PPP1R9A: variants seen among roughly 807,000 people sequenced by gnomAD.
PPP1R9A encodes the protein neurabin-1.
In PPP1R9A, 59 loss-of-function variants were observed where a neutral mutation model predicts 141.9. That is an observed-to-expected ratio of 0.42 (90% CI 0.34 to 0.52). The LOEUF is 0.52. Ranked by LOEUF, PPP1R9A falls within the 20% of genes least tolerant of loss-of-function variation. PPP1R9A has a pLI of 0.10. For synonymous variants in PPP1R9A, 500 were observed against 569.7 expected, an observed-to-expected ratio of 0.88 and a Z score of 1.74; for missense variants, 1,444 against 1,611.9, an observed-to-expected ratio of 0.90 and a Z score of 1.78.
Position 95,269,434 on chromosome 7 carries a change from A to G in PPP1R9A, c.3051A>G (p.Ser1017=), listed in dbSNP as rs1801814903. The G allele has an allele frequency of 1.9e-6, 3 of 1,593,628 alleles. No homozygotes were observed. Residue 1017 remains serine (S), a synonymous_variant, in exon 14 of 20, where the codon TCA becomes TCG. Coordinates refer to ENST00000433360, the MANE Select transcript of PPP1R9A (RefSeq NM_001166160.2). The part of the protein sequence containing the change: ...MWGDTSLFST[S]KSDHDVEESP... ...GAGACACTTCACTGTTTTCTACTTCAAAGTCTGATCATGATGTGGAAGAAT... is the reference window on the plus strand; with the variant it reads ...GAGACACTTCACTGTTTTCTACTTCGAAGTCTGATCATGATGTGGAAGAAT...
chr7:95,214,760 G>C (rs577306057), intron 7 of PPP1R9A, among the ~76,000 whole-genome samples: 20 of 152,098 alleles, frequency 1.3e-4, no homozygotes, highest in Non-Finnish European at 2.5e-4. Flanking sequence ...GATTTGAGTT[G>C]TCGGAAAATA....
intron 7 of PPP1R9A, among the ~76,000 whole-genome samples, chr7:95,224,309 G>A (rs1794845847): frequency 6.6e-6 from 1 of 152,094 alleles, no homozygotes; most frequent in African/African-American, 2.4e-5. Context: ...CAACTAACCT[G>A]TAACCAGTTT....
intron 2 of PPP1R9A, among the ~76,000 whole-genome samples, chr7:95,074,465 GTT>G (rs752728522): frequency 1.8e-5 from 2 of 109,762 alleles, no homozygotes; most frequent in Admixed American, 9.1e-5. Context: ...GCTTTTTTTT[GTT>G]TTTTTTTTTT....
At chr7:95,088,241 A>G (rs1816891503) in intron 2 of PPP1R9A, among the ~76,000 whole-genome samples, 1 of 152,022 alleles carries the variant, frequency 6.6e-6, no homozygotes, top group Non-Finnish European at 1.5e-5. Flanking sequence ...TAATTTATCA[A>G]TGAGAAGAGC....
In PPP1R9A at chr7:94,907,632, TCTCCCTCTCCCGGGATTTTGCTGCCGGG is replaced by T. The variant is rs1335042881; in HGVS notation, c.-277_-250del. On this transcript the variant is annotated 5_prime_UTR_variant, in exon 1 of 20. Coordinates refer to ENST00000433360, the MANE Select transcript of PPP1R9A (RefSeq NM_001166160.2). ...CCTTGGCCGCCAGAGGCTCCCTCTC[TCTCCCTCTCCCGGGATTTTGCTGCCGGG>T]CTCCCTCTCTCTGCGGCCCTAGAGT... 1 of 152,040 alleles carries T rather than the reference TCTCCCTCTCCCGGGATTTTGCTGCCGGG, an allele frequency of 6.6e-6. No homozygotes were observed. The highest frequency in any genetic ancestry group is 2.4e-5 in the African/African-American group (1 of 41,322). 9.4% of individuals were successfully genotyped at this position (152,040 alleles called of 1,614,324 possible).
At chr7:95,132,008 T>C (rs144830978) in intron 4 of PPP1R9A, among the ~76,000 whole-genome samples, 84 of 152,300 alleles carry the variant, frequency 5.5e-4, no homozygotes, top group Admixed American at 1.0e-3. Flanking sequence ...TATTGATGTA[T>C]AGAAATGCTA....
At chr7:95,128,623 C>T (rs1359501449) in intron 4 of PPP1R9A, among the ~76,000 whole-genome samples, 2 of 152,114 alleles carry the variant, frequency 1.3e-5, no homozygotes, top group East Asian at 3.9e-4. Flanking sequence ...GTTGCCCAGG[C>T]TAGAGTGCAA....
chr7:95,138,109 T>C (rs1381591993), intron 4 of PPP1R9A, among the ~76,000 whole-genome samples: 1 of 151,992 alleles, frequency 6.6e-6, no homozygotes, highest in East Asian at 1.9e-4. Flanking sequence ...ATTTTTTGTA[T>C]TTTTAGTAGA....
At chr7:95,225,122 A>G (rs1415660856) in intron 7 of PPP1R9A, among the ~76,000 whole-genome samples, 1 of 152,106 alleles carries the variant, frequency 6.6e-6, no homozygotes, top group African/African-American at 2.4e-5. Flanking sequence ...AGATACCTAC[A>G]GGGACAGGTG....
intron 2 of PPP1R9A, among the ~76,000 whole-genome samples, chr7:95,007,427 C>T (rs1351609800): frequency 1.8e-4 from 28 of 152,142 alleles, no homozygotes; most frequent in Admixed American, 1.8e-3. Context: ...TGAATGTCCT[C>T]TGGAGGGCAA....
At chr7:95,133,053 G>T (rs937576022) in intron 4 of PPP1R9A, among the ~76,000 whole-genome samples, 1 of 152,186 alleles carries the variant, frequency 6.6e-6, no homozygotes, top group Admixed American at 6.5e-5. Flanking sequence ...ACTGAGTAGG[G>T]CAGAGAAGAA....
intron 2 of PPP1R9A, among the ~76,000 whole-genome samples, chr7:95,047,456 T>C (rs1810184376): frequency 6.6e-6 from 1 of 152,216 alleles, no homozygotes; most frequent in Non-Finnish European, 1.5e-5. Flanking sequence ...AGGATCTTTT[T>C]CTGTCTGTTT....
At chr7:94,937,485 G>T (rs564383124) in intron 2 of PPP1R9A, among the ~76,000 whole-genome samples, 1 of 152,170 alleles carries the variant, frequency 6.6e-6, no homozygotes, top group East Asian at 1.9e-4. Context: ...CTTCAATGTT[G>T]CAATAATTTT....
At chr7:94,944,958 A>G (rs1269088635) in intron 2 of PPP1R9A, among the ~76,000 whole-genome samples, 1 of 152,084 alleles carries the variant, frequency 6.6e-6, no homozygotes, top group Non-Finnish European at 1.5e-5. Flanking sequence ...TGTGTTTGAT[A>G]AGACTAAAAG....
chr7:95,046,614 A>T (rs1040366688), intron 2 of PPP1R9A, among the ~76,000 whole-genome samples: 2 of 152,202 alleles, frequency 1.3e-5, no homozygotes, highest in African/African-American at 4.8e-5. Flanking sequence ...GAGAGAAAAG[A>T]TAGAGGCCTG....
intron 4 of PPP1R9A, among the ~76,000 whole-genome samples, chr7:95,135,690 AT>A (rs2152545988): frequency 6.6e-6 from 1 of 151,004 alleles, no homozygotes; most frequent in African/African-American, 2.4e-5. Flanking sequence ...ATAATCTATT[AT>A]TTAGTATTCC....
Position 95,248,336 on chromosome 7 carries a change from T to C in PPP1R9A, c.2166+810T>C, listed in dbSNP as rs1216533622. On this transcript the variant is annotated intron_variant, in intron 9 of 19. Transcript: ENST00000433360. Reference sequence around the variant, plus strand: ...TTTTGTTGTTCACATTGAACACTTGTTTTGGTTTCTCCGTGTGTTTTAAAT... The same window carrying C: ...TTTTGTTGTTCACATTGAACACTTGCTTTGGTTTCTCCGTGTGTTTTAAAT... Among the ~76,000 whole-genome samples, 5 of 149,936 alleles carry C rather than the reference T, an allele frequency of 3.3e-5. 1 individual carries two copies. The East Asian group carries it at 9.8e-4, about 30-fold the overall frequency.
chr7:95,201,255 T>C (rs2152869013), intron 6 of PPP1R9A, among the ~76,000 whole-genome samples: 1 of 152,324 alleles, frequency 6.6e-6, no homozygotes, highest in East Asian at 1.9e-4. Context: ...CTGCAAGTTG[T>C]AGAAGTAAAA....
chr7:94,920,449 T>A (rs1445987690), intron 2 of PPP1R9A, among the ~76,000 whole-genome samples: 1 of 152,038 alleles, frequency 6.6e-6, no homozygotes, highest in East Asian at 1.9e-4. Flanking sequence ...GACAGCGAAA[T>A]ACAGTATGAA....
Sources: allele counts gnomAD v4.1 joint callset (sites outside exome capture counted in the v4.1 genomes callset), GRCh38; gene constraint gnomAD v4.1.1; transcripts MANE v1.5; gene names NCBI Gene and HGNC (gene_info 2026-07-23, HGNC 2026-07-21).